The following RABEP1 variants were observed in gnomAD, a reference collection of about 807,000 sequenced individuals.
RABEP1 encodes the protein rab GTPase-binding effector protein 1.
RABEP1 carries 51 observed loss-of-function variants against 123.4 expected under a neutral mutation model. That is an observed-to-expected ratio of 0.41 (90% CI 0.33 to 0.52). RABEP1 has a LOEUF of 0.52. Among genes scored for constraint, RABEP1 ranks in the 20% least tolerant of loss-of-function variants. The probability of loss-of-function intolerance (pLI) is 0.16; values close to 1 mark genes in which losing one functional copy is unlikely to be tolerated. For missense variants in RABEP1, 888 were observed against 996.3 expected, an observed-to-expected ratio of 0.89 and a Z score of 1.46; for synonymous variants, 347 against 355.2, an observed-to-expected ratio of 0.98 and a Z score of 0.26.
At chr17:5,367,161 A>G (rs1910071854) in intron 11 of RABEP1, among the ~76,000 whole-genome samples, 1 of 152,078 alleles carries the variant, frequency 6.6e-6, no homozygotes, top group African/African-American at 2.4e-5. Flanking sequence ...TTAAAAAGGA[A>G]TCTTTTCCTA....
intron 1 of RABEP1, among the ~76,000 whole-genome samples, chr17:5,283,455 T>C (rs1396968956): frequency 2.6e-5 from 4 of 152,208 alleles, no homozygotes; most frequent in Non-Finnish European, 5.9e-5. Context: ...ATTGACTACA[T>C]GGTTCCAGGT....
intron 1 of RABEP1, among the ~76,000 whole-genome samples, chr17:5,284,547 C>A (rs1295547007): frequency 6.6e-6 from 1 of 151,926 alleles, no homozygotes; most frequent in African/African-American, 2.4e-5. Flanking sequence ...CTCACTGCAG[C>A]CTCGACCTCC....
At chr17:5,331,783 T>C (rs1450104928) in intron 2 of RABEP1, among the ~76,000 whole-genome samples, 166 bp from the exon 3 acceptor site, 1 of 152,186 alleles carries the variant, frequency 6.6e-6, no homozygotes, top group Non-Finnish European at 1.5e-5. Flanking sequence ...ATTAGATAGA[T>C]AGTAACAATT....
intron 15 of RABEP1, 96 bp downstream of exon 15, chr17:5,378,328 AT>A: frequency 4.9e-6 from 6 of 1,213,510 alleles, no homozygotes; most frequent in Non-Finnish European, 7.3e-6. Context: ...TAGTTAAGGC[AT>A]GGGCCCTGCC....
intron 12 of RABEP1, among the ~76,000 whole-genome samples, chr17:5,370,965 C>CTTT (rs58556047): frequency 4.8e-5 from 7 of 144,740 alleles, no homozygotes; most frequent in African/African-American, 7.6e-5. Context: ...ATTTGTTTCT[C>CTTT]TTTTTTTTTT....
At position 5,384,017 on chromosome 17, in the gene RABEP1, T is replaced by C. The variant is rs1047401814; in HGVS notation, c.*794T>C. On this transcript the variant is annotated 3_prime_UTR_variant, in exon 18 of 18. Transcript: ENST00000537505. The stretch of plus-strand genomic sequence containing the variant: ...AGCCGAACTGGTACCATCTACTCTT[T>C]TGAAGTGTTTTAGTCTAGTTATTGG... The C allele has an allele frequency of 4.6e-6, 1 of 218,784 alleles. No individual in the cohort carries two copies. Among genetic ancestry groups the C allele is most frequent in the East Asian group, 6.8e-5 (1 of 14,650 alleles). The allele number at this position is 218,784 out of a possible 1,614,324, so 13.6% of individuals were successfully genotyped here. A position where few individuals can be genotyped will look rare whatever the true frequency, so the allele number is the denominator to read the frequency against.
intron 2 of RABEP1, among the ~76,000 whole-genome samples, chr17:5,318,570 A>G (rs1476139980): frequency 6.6e-6 from 1 of 152,320 alleles, no homozygotes; most frequent in East Asian, 1.9e-4. Context: ...AGAAAGCACT[A>G]TGCCCAGTTG....
chr17:5,309,309 C>A (rs537711395), intron 2 of RABEP1, among the ~76,000 whole-genome samples: 1 of 151,168 alleles, frequency 6.6e-6, no homozygotes, highest in Non-Finnish European at 1.5e-5. Flanking sequence ...TGGTTGAACT[C>A]AATGAGCAAA....
intron 2 of RABEP1, among the ~76,000 whole-genome samples, chr17:5,328,943 A>T (rs977321131): frequency 1.3e-5 from 2 of 151,792 alleles, no homozygotes; most frequent in African/African-American, 4.8e-5. Context: ...AAAAAAAAAA[A>T]AATAAATTAT....
intron 2 of RABEP1, among the ~76,000 whole-genome samples, chr17:5,315,206 G>C (rs1470085672): frequency 1.3e-5 from 2 of 152,176 alleles, no homozygotes; most frequent in African/African-American, 4.8e-5. Flanking sequence ...ATAGGGAAAT[G>C]AAAACAGAGT....
rs761526151 is a variant in RABEP1, at chr17:5,354,334, A to G, written c.964-25A>G. 51 of 1,591,274 alleles carry G rather than the reference A, an allele frequency of 3.2e-5. No homozygotes were observed. The South Asian group carries it at 5.4e-4, about 17-fold the overall frequency. ...TTATTAAGTAGGTTACTTGGGTCATATATATGTTTTTTTCTTCCTTTTAGG... is the reference window on the plus strand; with the variant it reads ...TTATTAAGTAGGTTACTTGGGTCATGTATATGTTTTTTTCTTCCTTTTAGG... On this transcript the variant is annotated intron_variant, in intron 7 of 17. Coordinates refer to ENST00000537505, the MANE Select transcript of RABEP1 (RefSeq NM_004703.6).
chr17:5,308,734 T>C lies in RABEP1; in HGVS notation c.75T>C (p.Asn25=). 1 of 1,612,872 alleles carries C rather than the reference T, an allele frequency of 6.2e-7. No homozygotes were observed. The highest frequency in any genetic ancestry group is 8.5e-7 in the Non-Finnish European group (1 of 1,179,494). The stretch of plus-strand genomic sequence containing the variant: ...GGGTAGCAGAATTGGAAAAAATTAA[T>C]GCAGAATTTTTACGTGCACAACAGC... The part of the protein sequence containing the change: ...QQRVAELEKI[N]AEFLRAQQQL... The change falls in exon 2 of 18, where the codon AAT becomes AAC. Residue 25 remains asparagine, a synonymous_variant. Coordinates refer to ENST00000537505, the MANE Select transcript of RABEP1 (RefSeq NM_004703.6).
chr17:5,286,922 G>C (rs1016973896), intron 1 of RABEP1, among the ~76,000 whole-genome samples: 5 of 152,166 alleles, frequency 3.3e-5, no homozygotes, highest in African/African-American at 1.2e-4. Flanking sequence ...TTGAGAAGAT[G>C]ACATTTGTGC....
intron 10 of RABEP1, among the ~76,000 whole-genome samples, chr17:5,364,822 G>A (rs948284968): frequency 6.6e-6 from 1 of 151,994 alleles, no homozygotes; most frequent in African/African-American, 2.4e-5. Flanking sequence ...AGTGTGGATT[G>A]TAGACTGGAG....
chr17:5,363,224 TTTTG>T (rs1237204178), intron 10 of RABEP1, among the ~76,000 whole-genome samples: 3 of 151,756 alleles, frequency 2.0e-5, no homozygotes, highest in South Asian at 2.1e-4. Flanking sequence ...TTGTTTTTGT[TTTTG>T]TTTGTTTTTT....
Position 5,383,282 on chromosome 17 carries a change from C to T in RABEP1, c.*59C>T. On this transcript the variant is annotated 3_prime_UTR_variant, in exon 18 of 18. Transcript: ENST00000537505. ...GGTTTTTAACTCATCTTTAGAGCAA[C>T]AGTAATTATTATTTAACTCTTAACT... 7.7e-7 allele frequency: 1 copy of T among 1,297,216 alleles called. No homozygotes were observed. Among genetic ancestry groups the T allele is most frequent in the South Asian group, 1.2e-5 (1 of 83,512 alleles). The allele number at this position is 1,297,216 out of a possible 1,614,324, so 80.4% of individuals were successfully genotyped here. A position where few individuals can be genotyped will look rare whatever the true frequency, so the allele number is the denominator to read the frequency against.
Position 5,386,326 on chromosome 17 carries a change from T to G in RABEP1, c.*3103T>G. 1.5e-6 allele frequency: 2 copies of G among 1,313,486 alleles called. No individual in the cohort carries two copies. The highest frequency in any genetic ancestry group is 2.2e-6 in the Non-Finnish European group (2 of 928,624). The allele number at this position is 1,313,486 out of a possible 1,614,324, so 81.4% of individuals were successfully genotyped here. A position where few individuals can be genotyped will look rare whatever the true frequency, so the allele number is the denominator to read the frequency against. On this transcript the variant is annotated 3_prime_UTR_variant, in exon 18 of 18. Transcript: ENST00000537505. ...ATTATAATAAACCATTTATATGGAT[T>G]CTTAAGAATTTAAACTGGTAATGTT...
intron 2 of RABEP1, among the ~76,000 whole-genome samples, chr17:5,318,410 A>G (rs1334706810): frequency 6.6e-6 from 1 of 152,182 alleles, no homozygotes; most frequent in Non-Finnish European, 1.5e-5. Flanking sequence ...AAAAAAGTAC[A>G]GTAAGCCAAT....
chr17:5,367,904 G>A (rs143972096), intron 11 of RABEP1, among the ~76,000 whole-genome samples: 385 of 150,716 alleles, frequency 2.6e-3, no homozygotes, highest in African/African-American at 6.4e-3. Flanking sequence ...ACAGGTGCCC[G>A]CCACCACACC....
Sources: allele counts gnomAD v4.1 joint callset (sites outside exome capture counted in the v4.1 genomes callset), GRCh38; gene constraint gnomAD v4.1.1; transcripts MANE v1.5; gene names NCBI Gene and HGNC (gene_info 2026-07-23, HGNC 2026-07-21).